C1orf105: variants seen among roughly 807,000 people sequenced by gnomAD.
C1orf105 encodes the protein chromosome 1 open reading frame 105.
In C1orf105, 17 loss-of-function variants were observed where a neutral mutation model predicts 20.8. That is an observed-to-expected ratio of 0.82 (90% CI 0.56 to 1.23). The LOEUF (loss-of-function observed/expected upper bound fraction) is 1.23. C1orf105 is among the 50% of genes most tolerant of loss of function. The probability of loss-of-function intolerance (pLI) is 0.00; values close to 1 mark genes in which losing one functional copy is unlikely to be tolerated. For synonymous variants in C1orf105, 72 were observed against 72.1 expected, an observed-to-expected ratio of 1.00 and a Z score of 0.01; for missense variants, 219 against 213.5, an observed-to-expected ratio of 1.03 and a Z score of -0.16.
intron 4 of C1orf105, among the ~76,000 whole-genome samples, chr1:172,460,348 T>C (rs1447367934): frequency 2.6e-5 from 4 of 152,180 alleles, no homozygotes; most frequent in Non-Finnish European, 5.9e-5. Flanking sequence ...GCAGAAGAAA[T>C]ACCTGCTGAC....
At chr1:172,441,222 G>T (rs554828789) in intron 1 of C1orf105, among the ~76,000 whole-genome samples, 1 of 152,200 alleles carries the variant, frequency 6.6e-6, no homozygotes, top group South Asian at 2.1e-4. Context: ...GAAACTCTGA[G>T]TCAAGGTTAA....
chr1:172,443,581 T>G (rs986956215), intron 1 of C1orf105: 1 of 166,954 alleles, frequency 6.0e-6, no homozygotes, highest in African/African-American at 2.4e-5. Context: ...ATGAGAAAAC[T>G]AAGAGTCAGA....
At chr1:172,452,540 A>G (rs1304881374) in intron 3 of C1orf105, among the ~76,000 whole-genome samples, 1 of 152,218 alleles carries the variant, frequency 6.6e-6, no homozygotes, top group Non-Finnish European at 1.5e-5. Context: ...GAAAGAGAGA[A>G]AGAAAGGAGA....
chr1:172,426,565 CT>C (rs76551842), intron 1 of C1orf105, among the ~76,000 whole-genome samples: 9,841 of 147,830 alleles, frequency 0.067, 366 homozygotes, highest in African/African-American at 0.1. Context: ...TTTCAATGGT[CT>C]TTTTTTTTTT....
Position 172,431,141 on chromosome 1 carries a change from C to A in C1orf105, c.21+10235C>A, listed in dbSNP as rs1013548726. 7.7e-6 allele frequency: 4 copies of A among 516,154 alleles called. No homozygotes were observed. In the African/African-American group the frequency reaches 7.8e-5, roughly 10 times the overall value. 32.0% of individuals were successfully genotyped at this position (516,154 alleles called of 1,614,324 possible). On this transcript the variant is annotated intron_variant, in intron 1 of 6. Transcript: ENST00000367727. The stretch of plus-strand genomic sequence containing the variant: ...TTTTAACTGTTCAAATGAAGAGTTG[C>A]ACATCTCTCATTTTAAATCAAAAGT...
intron 6 of C1orf105, among the ~76,000 whole-genome samples, chr1:172,468,160 G>A (rs1229391518): frequency 1.2e-4 from 18 of 152,020 alleles, no homozygotes; most frequent in Non-Finnish European, 1.5e-5. Context: ...TCTAATACTT[G>A]AGTTTTGTTT....
At chr1:172,456,798 T>G (rs1649301186) in intron 4 of C1orf105, among the ~76,000 whole-genome samples, 1 of 152,166 alleles carries the variant, frequency 6.6e-6, no homozygotes, top group Non-Finnish European at 1.5e-5. Context: ...ATGGAGCTCC[T>G]TCTCCCTCCT....
chr1:172,462,136 T>C (rs1378289472), intron 4 of C1orf105, 42 bp from the exon 5 acceptor site: 1 of 1,395,498 alleles, frequency 7.2e-7, no homozygotes, highest in East Asian at 2.3e-5. Flanking sequence ...TAAATCAAAA[T>C]GCAGTTACAG....
rs145254000 is a variant in C1orf105, at chr1:172,462,797, G to T, written c.341+552G>T. On this transcript the variant is annotated intron_variant, in intron 5 of 6. Coordinates refer to ENST00000367727, the MANE Select transcript of C1orf105 (RefSeq NM_139240.4). The stretch of plus-strand genomic sequence containing the variant: ...GGTTTGGTTTTTTCTTTTTGAGATG[G>T]AGTCTCTCTCTGTTGCCCAGGCTGC... Among the ~76,000 whole-genome samples, 1,227 of 152,170 alleles carry T rather than the reference G, an allele frequency of 8.1e-3. 14 individuals carry two copies. The highest frequency in any genetic ancestry group is 0.028 in the African/African-American group (1,178 of 41,500).
chr1:172,465,083 T>C (rs1289947253), intron 5 of C1orf105, among the ~76,000 whole-genome samples: 4 of 152,024 alleles, frequency 2.6e-5, no homozygotes, highest in East Asian at 3.9e-4. Context: ...CTCAGGAGGC[T>C]GAGGCAGGAG....
intron 2 of C1orf105, among the ~76,000 whole-genome samples, chr1:172,446,211 GA>G (rs66533066): frequency 0.39 from 60,052 of 152,110 alleles, 14,489 homozygotes; most frequent in East Asian, 0.65. Flanking sequence ...AACGAAAGCA[GA>G]TTATCAGAGG....
intron 1 of C1orf105, among the ~76,000 whole-genome samples, chr1:172,437,033 A>G (rs527264275): frequency 9.8e-5 from 15 of 152,348 alleles, no homozygotes; most frequent in African/African-American, 3.6e-4. Context: ...CAAAATCACA[A>G]TGAGATACCA....
At chr1:172,458,692 T>C (rs1649486476) in intron 4 of C1orf105, among the ~76,000 whole-genome samples, 1 of 152,160 alleles carries the variant, frequency 6.6e-6, no homozygotes, top group Admixed American at 6.5e-5. Context: ...AAATTTGCAA[T>C]CATATCTTAA....
chr1:172,454,270 G>A (rs1019712818), intron 3 of C1orf105, among the ~76,000 whole-genome samples: 2 of 151,650 alleles, frequency 1.3e-5, no homozygotes, highest in African/African-American at 4.8e-5. Context: ...AGCCTTTCCT[G>A]ATTTCTCCAA....
intron 5 of C1orf105, among the ~76,000 whole-genome samples, chr1:172,462,780 T>C (rs1649787929): frequency 6.6e-6 from 1 of 152,136 alleles, no homozygotes; most frequent in South Asian, 2.1e-4. Flanking sequence ...TTGGTTTGGT[T>C]TTTTCTTTTT....
intron 3 of C1orf105, among the ~76,000 whole-genome samples, chr1:172,453,798 GAGGTT>G (rs1159976730): frequency 6.6e-6 from 1 of 152,208 alleles, no homozygotes; most frequent in Non-Finnish European, 1.5e-5. Flanking sequence ...GCACCCAACT[GAGGTT>G]AGGAGGGTGA....
intron 1 of C1orf105, 45 bp downstream of exon 1, chr1:172,420,951 T>A (rs751660004): frequency 6.4e-7 from 1 of 1,552,384 alleles, no homozygotes; most frequent in Admixed American, 1.7e-5. Context: ...CCTTATGGGG[T>A]TACCCTGGTA....
chr1:172,420,714 G>GA lies in C1orf105; in HGVS notation c.-167dup, dbSNP rs1282581032. ...TGTAAATCACACAGATGTTGGTAGA[G>GA]AAAAAGGCATACTGGTATTGAAACT... On this transcript the variant is annotated 5_prime_UTR_variant, in exon 1 of 7. An upstream open reading frame in the 5' UTR loses its in-frame stop. Coordinates refer to ENST00000367727, the MANE Select transcript of C1orf105 (RefSeq NM_139240.4). The GA allele has an allele frequency of 1.6e-6, 1 of 631,304 alleles. No homozygotes were observed. The highest frequency in any genetic ancestry group is 2.9e-6 in the Non-Finnish European group (1 of 349,208). The allele number at this position is 631,304 out of a possible 1,614,324, so 39.1% of individuals were successfully genotyped here.
At chr1:172,466,483 C>T (rs749603581) in intron 6 of C1orf105, among the ~76,000 whole-genome samples, 29 of 152,028 alleles carry the variant, frequency 1.9e-4, no homozygotes, top group Non-Finnish European at 2.5e-4. Context: ...CAGTTGATTT[C>T]ATAGTTATCT....
Sources: allele counts gnomAD v4.1 joint callset (sites outside exome capture counted in the v4.1 genomes callset), GRCh38; gene constraint gnomAD v4.1.1; transcripts MANE v1.5; gene names NCBI Gene and HGNC (gene_info 2026-07-23, HGNC 2026-07-21).